CACNA1E: variants seen among roughly 807,000 people sequenced by gnomAD.
CACNA1E encodes the protein voltage-dependent R-type calcium channel subunit alpha-1E.
CACNA1E carries 40 observed loss-of-function variants against 259.2 expected under a neutral mutation model. The observed-to-expected ratio is 0.15, with a 90% CI of 0.12 to 0.20. The LOEUF (loss-of-function observed/expected upper bound fraction) is 0.20, where lower values mean the gene tolerates loss of function less well. Among genes scored for constraint, CACNA1E ranks in the 10% least tolerant of loss-of-function variants. The pLI is 1.00. For synonymous variants in CACNA1E, 1,104 were observed against 1,138.5 expected, an observed-to-expected ratio of 0.97 and a Z score of 0.61; for missense variants, 1,874 against 3,040.1, an observed-to-expected ratio of 0.62 and a Z score of 9.02.
chr1:181,751,848 T>A, intron 26 of CACNA1E: 1 of 527,696 alleles, frequency 1.9e-6, no homozygotes, highest in Non-Finnish European at 3.6e-6. Context: ...TATTAACATA[T>A]GTGCATGGAT....
chr1:181,785,679 A>T, intron 42 of CACNA1E, 34 bp from the exon 43 acceptor site: 1 of 1,378,524 alleles, frequency 7.3e-7, no homozygotes, highest in Non-Finnish European at 1.0e-6. Context: ...TAGTCATTGG[A>T]ATTCTTTCCT....
At position 181,781,531 on chromosome 1, in the gene CACNA1E, A is replaced by AC; in HGVS notation, c.5364+12dup. On this transcript the variant is annotated intron_variant, in intron 39 of 47. Transcript: ENST00000367573. The stretch of plus-strand genomic sequence containing the variant: ...TCCAAAGTGGCATATAAGGTAGACC[A>AC]CCCCTTCCTTTGCTCTGGGCTACAG... 7.0e-7 allele frequency: 1 copy of AC among 1,424,658 alleles called. No individual in the cohort carries two copies. 88.3% of individuals were successfully genotyped at this position (1,424,658 alleles called of 1,614,324 possible).
chr1:181,436,547 G>A (rs1660099081), intron 2 of CACNA1E, among the ~76,000 whole-genome samples: 1 of 152,204 alleles, frequency 6.6e-6, no homozygotes, highest in East Asian at 1.9e-4. Flanking sequence ...GAAGAAAATT[G>A]TCATTTGTGA....
intron 3 of CACNA1E, among the ~76,000 whole-genome samples, chr1:181,572,622 A>G (rs1395322989): frequency 6.6e-6 from 1 of 152,168 alleles, no homozygotes. Flanking sequence ...AAACAAATGG[A>G]AAACACGCTT....
chr1:181,340,492 T>C (rs996014733), intron 1 of CACNA1E, among the ~76,000 whole-genome samples: 2 of 152,118 alleles, frequency 1.3e-5, no homozygotes, highest in South Asian at 4.1e-4. Context: ...TATTGGTAAT[T>C]TTTTTGAGAA....
chr1:181,792,277 C>G (rs1661388244), intron 44 of CACNA1E, among the ~76,000 whole-genome samples: 1 of 152,184 alleles, frequency 6.6e-6, no homozygotes, highest in Non-Finnish European at 1.5e-5. Context: ...AGTGCCAGGA[C>G]TTTTTGGATA....
At chr1:181,573,875 C>T (rs1650673125) in intron 3 of CACNA1E, among the ~76,000 whole-genome samples, 1 of 152,134 alleles carries the variant, frequency 6.6e-6, no homozygotes, top group South Asian at 2.1e-4. Flanking sequence ...TGGAATCAAC[C>T]CAAATGCCCA....
chr1:181,521,492 T>C (rs1461233708), intron 3 of CACNA1E, among the ~76,000 whole-genome samples: 1 of 152,018 alleles, frequency 6.6e-6, no homozygotes, highest in African/African-American at 2.4e-5. Context: ...CTCTGAACTA[T>C]GGTGTGGGGG....
chr1:181,653,266 T>G (rs111740003), intron 7 of CACNA1E, among the ~76,000 whole-genome samples: 8 of 152,188 alleles, frequency 5.3e-5, no homozygotes, highest in African/African-American at 1.9e-4. Flanking sequence ...GCTCCCACAA[T>G]TCCCAGGTGT....
At chr1:181,500,229 G>A (rs1347244730) in intron 1 of CACNA1E, among the ~76,000 whole-genome samples, 2 of 152,148 alleles carry the variant, frequency 1.3e-5, no homozygotes, top group Non-Finnish European at 2.9e-5. Flanking sequence ...GCATATGAAG[G>A]TTGATCCAGC....
intron 1 of CACNA1E, among the ~76,000 whole-genome samples, chr1:181,347,005 C>T (rs1173883909): frequency 2.0e-5 from 3 of 152,214 alleles, no homozygotes; most frequent in Admixed American, 2.0e-4. Flanking sequence ...CAGTCACTGA[C>T]TGACAGTCTT....
chr1:181,579,034 G>A, intron 4 of CACNA1E, 38 bp from the exon 5 acceptor site: 1 of 1,558,778 alleles, frequency 6.4e-7, no homozygotes, highest in Non-Finnish European at 8.7e-7. Context: ...TGGTGCTGAG[G>A]GACAGCTGCA....
chr1:181,718,621 C>T (rs1654133078), intron 12 of CACNA1E, among the ~76,000 whole-genome samples: 1 of 114,716 alleles, frequency 8.7e-6, no homozygotes, highest in African/African-American at 3.6e-5. Flanking sequence ...AACACACACA[C>T]ACACACACAC....
chr1:181,375,320 TG>T (rs1655027759), intron 1 of CACNA1E, among the ~76,000 whole-genome samples: 1 of 152,226 alleles, frequency 6.6e-6, no homozygotes, highest in Admixed American at 6.5e-5. Context: ...GTGCACATTA[TG>T]CTTATCATGC....
At chr1:181,561,106 T>A (rs113638838) in intron 3 of CACNA1E, among the ~76,000 whole-genome samples, 4,325 of 152,250 alleles carry the variant, frequency 0.028, 98 homozygotes, top group South Asian at 0.054. Context: ...TATTGTTTAA[T>A]GGTACAGAGT....
At chr1:181,726,276 C>T in intron 18 of CACNA1E, 114 bp downstream of exon 18, 1 of 718,224 alleles carries the variant, frequency 1.4e-6, no homozygotes, top group African/African-American at 1.8e-5. Context: ...GGAACTGTTC[C>T]TGAGAATACA....
chr1:181,771,187 T>C (rs1246543306), intron 35 of CACNA1E, 106 bp from the exon 36 acceptor site: 2 of 649,666 alleles, frequency 3.1e-6, no homozygotes, highest in East Asian at 2.8e-5. Flanking sequence ...GCTTCAGGGG[T>C]AGGTCATCGG....
At chr1:181,762,484 GACAA>G (rs1283685450) in intron 32 of CACNA1E, 86 bp from the exon 33 acceptor site, 9 of 779,326 alleles carry the variant, frequency 1.2e-5, no homozygotes, top group South Asian at 6.2e-5. Context: ...ATTTCCAAGG[GACAA>G]ACAAAGTTAT....
chr1:181,544,935 C>A (rs1647286417), intron 3 of CACNA1E, among the ~76,000 whole-genome samples: 1 of 152,174 alleles, frequency 6.6e-6, no homozygotes, highest in African/African-American at 2.4e-5. Flanking sequence ...TAAGCTAGCA[C>A]AGTGGCTCTC....
Sources: allele counts gnomAD v4.1 joint callset (sites outside exome capture counted in the v4.1 genomes callset), GRCh38; gene constraint gnomAD v4.1.1; transcripts MANE v1.5; gene names NCBI Gene and HGNC (gene_info 2026-07-23, HGNC 2026-07-21).